The following KLHL5 variants were observed in gnomAD, a reference collection of about 807,000 sequenced individuals.
KLHL5 encodes kelch-like protein 5.
KLHL5 carries 48 observed loss-of-function variants against 77.7 expected under a neutral mutation model. The observed-to-expected ratio is 0.62, with a 90% CI of 0.49 to 0.79. The LOEUF (loss-of-function observed/expected upper bound fraction) is 0.79, where lower values mean the gene tolerates loss of function less well. Ranked by LOEUF, KLHL5 falls within the 30% of genes least tolerant of loss-of-function variation. The pLI is 0.00. For missense variants in KLHL5, 723 were observed against 859.7 expected, an observed-to-expected ratio of 0.84 and a Z score of 1.99; for synonymous variants, 260 against 297.0, an observed-to-expected ratio of 0.88 and a Z score of 1.28.
At chr4:39,112,016 A>T (rs1034008943) in intron 8 of KLHL5, among the ~76,000 whole-genome samples, 1 of 152,160 alleles carries the variant, frequency 6.6e-6, no homozygotes, top group African/African-American at 2.4e-5. Flanking sequence ...TTGTAAATTC[A>T]AAATGTATAA....
intron 6 of KLHL5, among the ~76,000 whole-genome samples, chr4:39,099,676 G>C (rs1305842754): frequency 6.6e-6 from 1 of 152,122 alleles, no homozygotes; most frequent in African/African-American, 2.4e-5. Flanking sequence ...TCAAATGTCA[G>C]CTTACCAAGG....
chr4:39,067,286 G>C (rs555374812), intron 1 of KLHL5, among the ~76,000 whole-genome samples: 18 of 152,228 alleles, frequency 1.2e-4, no homozygotes, highest in African/African-American at 4.3e-4. Flanking sequence ...GCCTTACTCA[G>C]TTGAGATTTG....
intron 5 of KLHL5, 76 bp from the exon 6 acceptor site, chr4:39,096,616 G>A (rs1721088530): frequency 1.0e-6 from 1 of 996,704 alleles, no homozygotes; most frequent in African/African-American, 1.6e-5. Flanking sequence ...ATCCATTTGA[G>A]AACTATGTCA....
chr4:39,089,794 T>C (rs1720355491), intron 5 of KLHL5, among the ~76,000 whole-genome samples: 1 of 152,190 alleles, frequency 6.6e-6, no homozygotes, highest in Non-Finnish European at 1.5e-5. Flanking sequence ...ACTGTGGGGC[T>C]GGGGCCTGGC....
Position 39,125,291 on chromosome 4 carries a change from A to G in KLHL5, c.*4225A>G, listed in dbSNP as rs548888583. On this transcript the variant is annotated 3_prime_UTR_variant, in exon 11 of 11. Transcript: ENST00000504108. Reference sequence around the variant, plus strand: ...TGGAAAACAGTTTGGCAGTTCCTCAATAAGTTAAAAAAAAGAATTACCATA... The same window carrying G: ...TGGAAAACAGTTTGGCAGTTCCTCAGTAAGTTAAAAAAAAGAATTACCATA... Among the ~76,000 whole-genome samples, 18 of 42,684 alleles carry G rather than the reference A, an allele frequency of 4.2e-4. No individual in the cohort carries two copies. Among genetic ancestry groups the G allele is most frequent in the African/African-American group, 8.0e-4 (18 of 22,604 alleles). The allele number at this position is 42,684 out of a possible 152,430, so 28.0% of individuals were successfully genotyped here.
chr4:39,044,916 G>C (rs1410140716), upstream of KLHL5: 4 of 983,568 alleles, frequency 4.1e-6, no homozygotes, highest in East Asian at 4.6e-4. Context: ...CTGACGGAGC[G>C]GGAGTGGCTC....
At chr4:39,098,658 G>T (rs1269125640) in intron 6 of KLHL5, among the ~76,000 whole-genome samples, 4 of 151,138 alleles carry the variant, frequency 2.6e-5, no homozygotes, top group Admixed American at 2.0e-4. Flanking sequence ...CCGCCTCCTG[G>T]GTTCACACCA....
chr4:39,049,925 A>G (rs1335950310), intron 1 of KLHL5, among the ~76,000 whole-genome samples: 4 of 151,790 alleles, frequency 2.6e-5, no homozygotes, highest in South Asian at 2.1e-4. Context: ...TACAAAAAAT[A>G]TTAGCTGGGC....
intron 5 of KLHL5, among the ~76,000 whole-genome samples, chr4:39,089,891 G>C (rs1025149328): frequency 6.6e-6 from 1 of 152,188 alleles, no homozygotes; most frequent in Non-Finnish European, 1.5e-5. Context: ...GGTGATGGAA[G>C]CCACATTGCC....
At chr4:39,068,812 G>A (rs1718139881) in intron 1 of KLHL5, among the ~76,000 whole-genome samples, 1 of 152,194 alleles carries the variant, frequency 6.6e-6, no homozygotes, top group East Asian at 1.9e-4. Flanking sequence ...TATTAGGCAT[G>A]AAAACAATGG....
At chr4:39,069,535 CATATATATATAT>C (rs60163692) in intron 1 of KLHL5, among the ~76,000 whole-genome samples, 344 of 136,372 alleles carry the variant, frequency 2.5e-3, no homozygotes, top group South Asian at 7.7e-3. Context: ...ACTTTTTTAC[CATATATATATAT>C]ATATATATAT....
At chr4:39,126,942 A>C, downstream of KLHL5, 1 of 354,596 alleles carries the variant, frequency 2.8e-6, no homozygotes, top group Non-Finnish European at 5.5e-6. Context: ...CAAGGCACCA[A>C]AATGTGTACA....
chr4:39,136,885 A>G, the KLHL5 span, among the ~76,000 whole-genome samples: 1 of 152,200 alleles, frequency 6.6e-6, no homozygotes, highest in African/African-American at 2.4e-5. Context: ...GCCATCCACG[A>G]CGGAGAACTG....
chr4:39,056,227 A>T (rs992472388), intron 1 of KLHL5, among the ~76,000 whole-genome samples: 2 of 152,182 alleles, frequency 1.3e-5, no homozygotes, highest in African/African-American at 2.4e-5. Context: ...GGTTCAAGTG[A>T]TCCTCCTGCC....
chr4:39,092,343 C>T (rs986484966), intron 5 of KLHL5, among the ~76,000 whole-genome samples: 1 of 151,934 alleles, frequency 6.6e-6, no homozygotes, highest in Non-Finnish European at 1.5e-5. Context: ...AAAATTAATC[C>T]TACTTATTCA....
At chr4:39,059,809 G>C (rs1717264413), upstream of KLHL5, among the ~76,000 whole-genome samples, 1 of 152,164 alleles carries the variant, frequency 6.6e-6, no homozygotes, top group Admixed American at 6.6e-5. Context: ...TGAGGCATAA[G>C]AATTGCGTGA....
intron 6 of KLHL5, among the ~76,000 whole-genome samples, chr4:39,097,447 C>T (rs1326307560): frequency 1.3e-5 from 2 of 152,168 alleles, no homozygotes; most frequent in Non-Finnish European, 2.9e-5. Context: ...AAAAACCTGG[C>T]ACACAGCACT....
At chr4:39,142,237 A>G in the KLHL5 span, among the ~76,000 whole-genome samples, 1 of 152,150 alleles carries the variant, frequency 6.6e-6, no homozygotes, top group Non-Finnish European at 1.5e-5. Context: ...TGATTTATTT[A>G]TACAAAAATT....
Position 39,107,652 on chromosome 4 carries a change from C to G in KLHL5, c.1609C>G (p.Pro537Ala), listed in dbSNP as rs756987707. The part of the protein sequence containing the change: ...SYLNTVERWD[P>A]QARQWNFVAT... ...TCTGAACACAGTGGAAAGATGGGAC[C>G]CTCAGGCTCGCCAGTGGAATTTTGT... Residue 537 changes from proline to alanine, a missense_variant, in exon 8 of 11, where the codon CCT becomes GCT. This residue lies in a region of KLHL5 where 214 missense variants were observed against 237.4 expected (regional missense o/e 0.90). Transcript: ENST00000504108. 1.2e-6 allele frequency: 2 copies of G among 1,612,534 alleles called. No individual in the cohort carries two copies. The highest frequency in any genetic ancestry group is 2.2e-5 in the South Asian group (2 of 90,912).
Sources: gnomAD v4.1 joint callset for allele counts (sites outside exome capture counted in the v4.1 genomes callset) on GRCh38, gnomAD v4.1.1 for gene constraint, gnomAD v4.1.1 regional missense constraint, MANE v1.5 for transcripts, NCBI Gene and HGNC (gene_info 2026-07-23, HGNC 2026-07-21) for gene names.